CACNA2D1: variants seen among roughly 807,000 people sequenced by gnomAD.
The protein encoded by CACNA2D1 is calcium voltage-gated channel auxiliary subunit alpha2delta 1.
Under a neutral mutation model 171.5 loss-of-function variants are expected in CACNA2D1, and 53 were observed. The observed-to-expected ratio is 0.31, with a 90% CI of 0.25 to 0.39. The LOEUF is 0.39. Ranked by LOEUF, CACNA2D1 falls within the 10% of genes least tolerant of loss-of-function variation. The probability of loss-of-function intolerance (pLI) is 1.00; values close to 1 mark genes in which losing one functional copy is unlikely to be tolerated. For synonymous variants in CACNA2D1, 442 were observed against 443.1 expected (o/e 1.00, Z 0.03); for missense variants, 903 against 1,299.8 (o/e 0.69, Z 4.69).
chr7:82,378,980 TG>T (rs1585723079), intron 1 of CACNA2D1, among the ~76,000 whole-genome samples: 1 of 144,406 alleles, frequency 6.9e-6, no homozygotes, highest in Non-Finnish European at 1.5e-5. Context: ...TGTGTGTGTG[TG>T]TGTGTGTTAT....
chr7:81,950,150 A>G lies in CACNA2D1; in HGVS notation c.*242T>C. ...CCAAATTTTCCAATAGAGGACACGT[A>G]TAGGATTTTGCTTTGATGTTACACA... On this transcript the variant is annotated 3_prime_UTR_variant, in exon 39 of 39. Transcript: ENST00000356860. The G allele has an allele frequency of 1.7e-6, 1 of 599,890 alleles. No individual in the cohort carries two copies. The highest frequency in any genetic ancestry group is 2.9e-6 in the Non-Finnish European group (1 of 350,180). The allele number at this position is 599,890 out of a possible 1,614,324, so 37.2% of individuals were successfully genotyped here. A position where few individuals can be genotyped will look rare whatever the true frequency, so the allele number is the denominator to read the frequency against.
intron 18 of CACNA2D1, among the ~76,000 whole-genome samples, chr7:82,003,746 T>G (rs2130854918): frequency 7.0e-6 from 1 of 142,252 alleles, no homozygotes; most frequent in Admixed American, 6.9e-5. Context: ...TCACATTACT[T>G]TTTTTTTTTT....
In CACNA2D1 at chr7:81,947,652, G is replaced by GCTT. The variant is rs1297542490; in HGVS notation, c.*2739_*2740insAAG. The GCTT allele has an allele frequency of 3.3e-5, 5 of 151,910 alleles. No individual in the cohort carries two copies. The highest frequency in any genetic ancestry group is 5.9e-5 in the Non-Finnish European group (4 of 67,872). The allele number at this position is 151,910 out of a possible 1,614,324, so 9.4% of individuals were successfully genotyped here. ...TATAACAAAAATTAGTTAAAGCAGTGTATAAACTTTTTTATTGATCTGTTG... is the reference window on the plus strand; with the variant it reads ...TATAACAAAAATTAGTTAAAGCAGTGCTTTATAAACTTTTTTATTGATCTGTTG... On this transcript the variant is annotated 3_prime_UTR_variant, in exon 39 of 39. Transcript: ENST00000356860.
At chr7:82,321,639 A>G (rs929137110) in intron 3 of CACNA2D1, among the ~76,000 whole-genome samples, 3 of 152,180 alleles carry the variant, frequency 2.0e-5, no homozygotes, top group Non-Finnish European at 4.4e-5. Flanking sequence ...AGCCATCATT[A>G]TGCGCCAAAA....
At chr7:82,048,251 G>A (rs1361445781) in intron 10 of CACNA2D1, among the ~76,000 whole-genome samples, 2 of 151,938 alleles carry the variant, frequency 1.3e-5, no homozygotes, top group East Asian at 3.9e-4. Context: ...GCATGATTAT[G>A]ATATAAATTA....
intron 8 of CACNA2D1, 71 bp downstream of exon 8, chr7:82,066,384 A>T: frequency 1.3e-6 from 2 of 1,573,330 alleles, no homozygotes; most frequent in Non-Finnish European, 1.7e-6. Context: ...ATAATAAAAA[A>T]TTCTGACTTT....
At chr7:82,015,293 T>G (rs1800314467) in intron 12 of CACNA2D1, among the ~76,000 whole-genome samples, 1 of 152,162 alleles carries the variant, frequency 6.6e-6, no homozygotes, top group Non-Finnish European at 1.5e-5. Context: ...ATATTTGGGA[T>G]GCACACATAT....
chr7:82,077,571 T>C (rs116208691), intron 7 of CACNA2D1, among the ~76,000 whole-genome samples: 2,009 of 152,262 alleles, frequency 0.013, 40 homozygotes, highest in African/African-American at 0.045. Flanking sequence ...CAAACTTCCA[T>C]AGTGTTAAAA....
chr7:82,440,822 T>A (rs575635715), intron 1 of CACNA2D1, among the ~76,000 whole-genome samples: 40 of 151,362 alleles, frequency 2.6e-4, no homozygotes, highest in South Asian at 4.2e-4. Context: ...TCTATATTTT[T>A]AAAAAAAAAC....
intron 9 of CACNA2D1, among the ~76,000 whole-genome samples, chr7:82,062,419 A>G (rs1271482012): frequency 1.3e-5 from 2 of 152,112 alleles, no homozygotes; most frequent in African/African-American, 4.8e-5. Flanking sequence ...TGAGGATTCA[A>G]TCCCAATTTT....
intron 1 of CACNA2D1, among the ~76,000 whole-genome samples, chr7:82,394,627 GGTAA>G (rs1253163389): frequency 6.6e-6 from 1 of 152,100 alleles, no homozygotes; most frequent in African/African-American, 2.4e-5. Flanking sequence ...GTTTATTTCG[GGTAA>G]GTTTTTAGGG....
intron 5 of CACNA2D1, among the ~76,000 whole-genome samples, chr7:82,126,306 GA>G (rs1437779440): frequency 6.6e-6 from 1 of 152,070 alleles, no homozygotes; most frequent in Admixed American, 6.6e-5. Context: ...TTGTTATTTA[GA>G]AGAAACAAAA....
At chr7:81,967,046 T>C in intron 31 of CACNA2D1, 123 bp downstream of exon 31, 2 of 678,396 alleles carry the variant, frequency 2.9e-6, no homozygotes, top group Non-Finnish European at 5.1e-6. Flanking sequence ...TTATTTCACA[T>C]TTCCATAGAA....
chr7:82,425,683 C>T (rs1302120058), intron 1 of CACNA2D1, among the ~76,000 whole-genome samples: 1 of 151,114 alleles, frequency 6.6e-6, no homozygotes, highest in Non-Finnish European at 1.5e-5. Context: ...TAGGTGCATG[C>T]CAGCACACCC....
chr7:82,435,256 C>G (rs367628217), intron 1 of CACNA2D1, among the ~76,000 whole-genome samples: 1 of 151,990 alleles, frequency 6.6e-6, no homozygotes, highest in Admixed American at 6.6e-5. Context: ...AGGATTGTCT[C>G]GATCTCTCCT....
At chr7:82,440,651 T>A (rs1453701814) in intron 1 of CACNA2D1, among the ~76,000 whole-genome samples, 1 of 151,888 alleles carries the variant, frequency 6.6e-6, no homozygotes, top group East Asian at 1.9e-4. Context: ...TCTATTTTAG[T>A]GTTAACTCTT....
intron 1 of CACNA2D1, among the ~76,000 whole-genome samples, chr7:82,426,833 C>A (rs111744810): frequency 6.6e-6 from 1 of 152,116 alleles, no homozygotes; most frequent in Non-Finnish European, 1.5e-5. Flanking sequence ...CAAGGTTTTG[C>A]TCTCTCTCTT....
chr7:82,079,840 G>T (rs1809485034), intron 7 of CACNA2D1, among the ~76,000 whole-genome samples: 2 of 151,882 alleles, frequency 1.3e-5, no homozygotes, highest in South Asian at 2.1e-4. Context: ...ATAAATTCAA[G>T]AAATCTATCA....
intron 3 of CACNA2D1, among the ~76,000 whole-genome samples, chr7:82,237,876 A>G (rs572345050): frequency 1.2e-4 from 19 of 152,160 alleles, no homozygotes; most frequent in African/African-American, 4.3e-4. Flanking sequence ...CTTACCTAAA[A>G]TCTAAAGATG....
Sources: gnomAD v4.1 joint callset for allele counts (sites outside exome capture counted in the v4.1 genomes callset) on GRCh38, gnomAD v4.1.1 for gene constraint, MANE v1.5 for transcripts, NCBI Gene and HGNC (gene_info 2026-07-23, HGNC 2026-07-21) for gene names.